Variants in OTOF observed in about 807,000 individuals in gnomAD.
OTOF encodes the protein fer-1-like family member 2.
Under a neutral mutation model 236.8 loss-of-function variants are expected in OTOF, and 218 were observed. That is an observed-to-expected ratio of 0.92 (90% confidence interval 0.82 to 1.03). OTOF has a LOEUF of 1.03. Ranked by LOEUF, OTOF falls within the 50% of genes least tolerant of loss-of-function variation. The pLI, the probability that OTOF is intolerant of heterozygous loss-of-function variation, is 0.00. For synonymous variants in OTOF, 1,041 were observed against 1,072.5 expected, an observed-to-expected ratio of 0.97 and a Z score of 0.57; for missense variants, 2,590 against 2,694.4, an observed-to-expected ratio of 0.96 and a Z score of 0.86.
rs773193010 is a variant in OTOF at position 26,473,588 on chromosome 2, G to A, written c.3409-21C>T. On this transcript the variant is annotated intron_variant, in intron 27 of 46. Transcript: ENST00000272371. The surrounding 1 kb of genome is among the most constrained non-coding windows in gnomAD (Gnocchi z 7.2). ...AGCACCTGGGAGAGGTTGGAGGGTGGGTGCAGAGAAGAGAGCCCCTTAGTC... is the reference window on the plus strand; with the variant it reads ...AGCACCTGGGAGAGGTTGGAGGGTGAGTGCAGAGAAGAGAGCCCCTTAGTC... The A allele has an allele frequency of 1.5e-4, 245 of 1,587,548 alleles. 1 individual carries two copies. Among genetic ancestry groups the A allele is most frequent in the Non-Finnish European group, 2.0e-4 (233 of 1,170,742 alleles).
chr2:26,489,447 C>G, intron 10 of OTOF, 152 bp from the exon 11 acceptor site: 1 of 742,812 alleles, frequency 1.3e-6, no homozygotes, highest in Non-Finnish European at 2.4e-6. Flanking sequence ...CTCCTGCCCA[C>G]GCCAGTTTCT....
At chr2:26,541,097 A>G (rs1050519599) in intron 1 of OTOF, among the ~76,000 whole-genome samples, 5 of 152,210 alleles carry the variant, frequency 3.3e-5, no homozygotes, top group African/African-American at 1.2e-4. Flanking sequence ...AGATTTTAAT[A>G]AGCCTCGGAT....
chr2:26,506,467 C>A (rs1372622710), intron 5 of OTOF, among the ~76,000 whole-genome samples: 1 of 152,186 alleles, frequency 6.6e-6, no homozygotes, highest in Non-Finnish European at 1.5e-5. Context: ...TAGAAGCAGG[C>A]CCTGCCTGGA....
rs150691499 is a variant in OTOF at position 26,460,028 on chromosome 2, G to A, written c.5991C>T (p.Ala1997=). The A allele has an allele frequency of 3.8e-4, 596 of 1,567,268 alleles. 1 individual carries two copies. Among genetic ancestry groups the A allele is most frequent in the Non-Finnish European group, 4.0e-4 (465 of 1,156,098 alleles). ...CAGACCCAGGAGGCCACTGGGCTCA[G>A]GCCCCGAGGATTTTCTTGACCAGGT... The part of the protein sequence containing the change: ...PGYLVKKILG[A] Residue 1997 remains alanine (A), a synonymous_variant, in exon 46 of 47, where the codon GCC becomes GCT. Coordinates refer to ENST00000272371, the MANE Select transcript of OTOF (RefSeq NM_194248.3). The surrounding 1 kb of genome is among the most constrained non-coding windows in gnomAD (Gnocchi z 5.3).
At chr2:26,471,991 A>C (rs1250690011) in intron 30 of OTOF, among the ~76,000 whole-genome samples, 1 of 152,166 alleles carries the variant, frequency 6.6e-6, no homozygotes, top group South Asian at 2.1e-4. Context: ...ACATGCACAC[A>C]CATATGCACA....
intron 3 of OTOF, among the ~76,000 whole-genome samples, chr2:26,519,338 A>G (rs767078063): frequency 2.0e-4 from 30 of 152,228 alleles, no homozygotes; most frequent in Non-Finnish European, 4.0e-4. Flanking sequence ...GAGAGCTCCA[A>G]GGGGCAGTGA....
intron 26 of OTOF, 109 bp from the exon 27 acceptor site, chr2:26,474,219 C>A: frequency 1.4e-6 from 2 of 1,468,360 alleles, no homozygotes; most frequent in Non-Finnish European, 1.9e-6. Flanking sequence ...CCCTAAGGAC[C>A]ACGCCCCCAG....
chr2:26,513,842 G>T (rs535817108), intron 5 of OTOF, among the ~76,000 whole-genome samples: 12 of 152,246 alleles, frequency 7.9e-5, no homozygotes, highest in Middle Eastern at 3.4e-3. Flanking sequence ...TAAAAGGTTG[G>T]CCAAGTCCCT....
intron 2 of OTOF, among the ~76,000 whole-genome samples, chr2:26,529,769 G>A (rs1257752551): frequency 6.9e-6 from 1 of 145,014 alleles, no homozygotes; most frequent in South Asian, 2.4e-4. Context: ...GAGGGAGGAA[G>A]AAGCAGAGGA....
chr2:26,525,213 G>A lies in OTOF; in HGVS notation c.227+2619C>T, dbSNP rs560734977. On this transcript the variant is annotated intron_variant, in intron 3 of 46. Transcript: ENST00000272371. ...TTTGTGCACTAAACATCCTCCCTGT[G>A]GCCCTGACAGCATTTCTGAAATGCC... 2.6e-5 allele frequency among the ~76,000 whole-genome samples: 4 copies of A among 152,300 alleles called. No homozygotes were observed. In the South Asian group the frequency reaches 6.2e-4, roughly 24 times the overall value.
chr2:26,546,624 C>G lies in OTOF; in HGVS notation c.80-8850G>C, dbSNP rs1667339712. Among the ~76,000 whole-genome samples, 3 of 152,000 alleles carry G rather than the reference C, an allele frequency of 2.0e-5. No homozygotes were observed. The South Asian group carries it at 6.2e-4, about 32-fold the overall frequency. On this transcript the variant is annotated intron_variant, in intron 1 of 46. Transcript: ENST00000272371. ...ATTTTAAAGTAGTTTTCAATTTCTA[C>G]AAAATAGTTTGTTGTGATTTTTATT...
At chr2:26,471,087 C>CA (rs765876188) in intron 31 of OTOF, 34 bp downstream of exon 31, 1 of 1,613,312 alleles carries the variant, frequency 6.2e-7, no homozygotes, top group Non-Finnish European at 8.5e-7. Flanking sequence ...AGGACCCTCT[C>CA]ACCCCAGAGC....
At chr2:26,487,165 A>G (rs1665720019) in intron 11 of OTOF, among the ~76,000 whole-genome samples, 1 of 152,136 alleles carries the variant, frequency 6.6e-6, no homozygotes, top group Non-Finnish European at 1.5e-5. Context: ...GTTCCAAGAG[A>G]TATCGACACC....
intron 5 of OTOF, among the ~76,000 whole-genome samples, chr2:26,513,941 G>A (rs1053863342): frequency 5.9e-5 from 9 of 152,140 alleles, no homozygotes; most frequent in Admixed American, 3.9e-4. Context: ...CAGCTTCCAG[G>A]TCCCCCTCCT....
chr2:26,495,067 T>C lies in OTOF; in HGVS notation c.772A>G (p.Ile258Val). The change falls in exon 9 of 47, where the codon ATC becomes GTC. Residue 258 changes from isoleucine to valine, a missense_variant. Ile to Val is a conservative substitution (Grantham distance 29). This residue lies in a region of OTOF where 1,379 missense variants were observed against 1,341.6 expected (regional missense o/e 1.03). Transcript: ENST00000272371. ...AGCTGCCGGGCCTCGATCACCGTGA[T>C]GCTGACCTGCAGGCAGGAGAAGGGG... ...AGRPMDYQVS[I>V]TVIEARQLVG... 5 of 1,614,130 alleles carry C rather than the reference T, an allele frequency of 3.1e-6. No individual in the cohort carries two copies. Among genetic ancestry groups the C allele is most frequent in the East Asian group, 2.2e-5 (1 of 44,866 alleles).
At chr2:26,482,776 CGCGT>C (rs1163186133) in intron 13 of OTOF, among the ~76,000 whole-genome samples, 184 bp from the exon 14 acceptor site, 5 of 83,020 alleles carry the variant, frequency 6.0e-5, no homozygotes, top group African/African-American at 2.4e-4. Flanking sequence ...TGAGTGGGTG[CGCGT>C]GCGTGTGTGA....
intron 7 of OTOF, 108 bp downstream of exon 7, chr2:26,502,192 G>A: frequency 8.4e-7 from 1 of 1,194,096 alleles, no homozygotes; most frequent in East Asian, 2.4e-5. Context: ...TTAGGAAGAA[G>A]CCGTCCATGA....
chr2:26,511,291 G>A (rs944593420), intron 5 of OTOF, among the ~76,000 whole-genome samples: 6 of 152,162 alleles, frequency 3.9e-5, no homozygotes, highest in Non-Finnish European at 7.4e-5. Flanking sequence ...GAGTGCACAC[G>A]GGTGGTTGGG....
At chr2:26,459,236 C>T (rs1664333495) in intron 46 of OTOF, among the ~76,000 whole-genome samples, 1 of 152,224 alleles carries the variant, frequency 6.6e-6, no homozygotes. Context: ...GTCCATAGCT[C>T]AGCTTCTTTC....
Sources: gnomAD v4.1 joint callset for allele counts (sites outside exome capture counted in the v4.1 genomes callset) on GRCh38, gnomAD v4.1.1 for gene constraint, gnomAD v4.1.1 regional missense constraint, Gnocchi (gnomAD v3.1) non-coding constraint, MANE v1.5 for transcripts, NCBI Gene and HGNC (gene_info 2026-07-23, HGNC 2026-07-21) for gene names.